Variants in CPED1 observed in about 807,000 individuals in gnomAD.
The protein encoded by CPED1 is cadherin-like and PC-esterase domain-containing protein 1.
A neutral mutation model predicts 128.2 loss-of-function variants in CPED1; 114 were observed. The observed-to-expected ratio is 0.89, with a 90% CI of 0.76 to 1.04. The LOEUF is 1.04. CPED1 is among the 50% of genes least tolerant of loss of function. CPED1 has a pLI of 0.00. For missense variants in CPED1, 1,211 were observed against 1,207.1 expected (o/e 1.00, Z -0.05); for synonymous variants, 462 against 426.7 (o/e 1.08, Z -1.02).
intron 16 of CPED1, among the ~76,000 whole-genome samples, chr7:121,177,385 T>C (rs1796805944): frequency 6.6e-6 from 1 of 152,064 alleles, no homozygotes; most frequent in Non-Finnish European, 1.5e-5. Context: ...CATGTTTCTC[T>C]ATCCGACTTT....
At chr7:121,170,354 T>C (rs190869188) in intron 16 of CPED1, among the ~76,000 whole-genome samples, 18 of 152,248 alleles carry the variant, frequency 1.2e-4, no homozygotes, top group Non-Finnish European at 2.1e-4. Context: ...TAGCTGAATT[T>C]TTCTGGCCCT....
chr7:121,125,749 T>G, intron 8 of CPED1, 71 bp from the exon 9 acceptor site: 1 of 1,158,850 alleles, frequency 8.6e-7, no homozygotes, highest in Non-Finnish European at 1.3e-6. Flanking sequence ...TTTGCTGTTA[T>G]AAATAGTGCA....
chr7:121,170,463 TAATA>T (rs1368088535), intron 16 of CPED1, among the ~76,000 whole-genome samples: 1 of 152,120 alleles, frequency 6.6e-6, no homozygotes, highest in Non-Finnish European at 1.5e-5. Flanking sequence ...CTTGTTAACT[TAATA>T]AATATAATTA....
At position 121,100,030 on chromosome 7, in the gene CPED1, G is replaced by T. The variant is rs201996698; in HGVS notation, c.854G>T (p.Arg285Leu). Residue 285 changes from arginine (R) to leucine (L), a missense_variant, in exon 7 of 23, where the codon CGT becomes CTT. Physicochemically the swap from Arg to Leu is moderately radical, Grantham distance 102. Coordinates refer to ENST00000310396, the MANE Select transcript of CPED1 (RefSeq NM_024913.5). The stretch of plus-strand genomic sequence containing the variant: ...TTGGTGACGTCCTTAACCCCTTTGC[G>T]TGCATTCATTCATTCGACGGGCACA... ...YVLVTSLTPL[R>L]AFIHSTGTVW... 2 of 1,613,182 alleles carry T rather than the reference G, an allele frequency of 1.2e-6. No individual in the cohort carries two copies. Among genetic ancestry groups the T allele is most frequent in the Non-Finnish European group, 1.7e-6 (2 of 1,179,702 alleles).
At chr7:121,132,534 G>A (rs1795697411) in intron 12 of CPED1, among the ~76,000 whole-genome samples, 1 of 152,046 alleles carries the variant, frequency 6.6e-6, no homozygotes, top group Non-Finnish European at 1.5e-5. Flanking sequence ...ATAGTTATAT[G>A]TTTGTCCTGA....
At chr7:121,173,881 A>T (rs907125409) in intron 16 of CPED1, among the ~76,000 whole-genome samples, 5 of 151,974 alleles carry the variant, frequency 3.3e-5, no homozygotes, top group Non-Finnish European at 7.4e-5. Context: ...TTGCCGCAAC[A>T]TCACCAGCAT....
chr7:121,206,860 C>T (rs879453669), intron 16 of CPED1, among the ~76,000 whole-genome samples: 1 of 151,944 alleles, frequency 6.6e-6, no homozygotes, highest in Non-Finnish European at 1.5e-5. Flanking sequence ...TCCCATCATA[C>T]TCAGTCACAC....
chr7:121,232,575 T>G (rs1401214082), intron 16 of CPED1, among the ~76,000 whole-genome samples: 2 of 151,876 alleles, frequency 1.3e-5, no homozygotes, highest in Non-Finnish European at 2.9e-5. Context: ...GGGCTAAGAG[T>G]GAATTTATCT....
chr7:121,013,630 G>A (rs1792218554), intron 2 of CPED1, among the ~76,000 whole-genome samples: 1 of 152,224 alleles, frequency 6.6e-6, no homozygotes. Flanking sequence ...CACCTTAAGA[G>A]GAAAGTATTG....
rs1563024831 is a variant in CPED1 at position 121,098,769 on chromosome 7, T to TATATAA, written c.749+943_749+944insAATATA. 8.0e-3 allele frequency among the ~76,000 whole-genome samples: 98 copies of TATATAA among 12,178 alleles called. 1 individual carries two copies. Among genetic ancestry groups the TATATAA allele is most frequent in the African/African-American group, 0.019 (93 of 4,774 alleles). The allele number at this position is 12,178 out of a possible 152,430, so 8.0% of individuals were successfully genotyped here. A position where few individuals can be genotyped will look rare whatever the true frequency, so the allele number is the denominator to read the frequency against. On this transcript the variant is annotated intron_variant, in intron 6 of 22. Transcript: ENST00000310396. Reference sequence around the variant, plus strand: ...AAAAATATATAAAAATATATATAAATATATATATATAAAAATATATAAAAA... The same window carrying TATATAA: ...AAAAATATATAAAAATATATATAAATATATAAATATATATATAAAAATATATAAAAA...
At chr7:121,161,726 T>A (rs1796416341) in intron 16 of CPED1, among the ~76,000 whole-genome samples, 1 of 152,128 alleles carries the variant, frequency 6.6e-6, no homozygotes, top group Non-Finnish European at 1.5e-5. Flanking sequence ...AAGCTTTGGA[T>A]CAAAATGAGA....
chr7:121,283,167 T>C (rs1792496088), intron 22 of CPED1, among the ~76,000 whole-genome samples: 1 of 152,222 alleles, frequency 6.6e-6, no homozygotes, highest in African/African-American at 2.4e-5. Flanking sequence ...TCTCACACAA[T>C]TAAAAGTATT....
chr7:121,282,542 T>C (rs1390125390), intron 22 of CPED1, among the ~76,000 whole-genome samples: 1 of 152,216 alleles, frequency 6.6e-6, no homozygotes, highest in East Asian at 1.9e-4. Context: ...TAATTCCTTT[T>C]TCTCCAGTTT....
chr7:121,092,009 A>C (rs1794582841), intron 5 of CPED1, among the ~76,000 whole-genome samples: 1 of 152,142 alleles, frequency 6.6e-6, no homozygotes, highest in Admixed American at 6.6e-5. Context: ...TAACTTTCTC[A>C]GTGTCCTTGT....
chr7:121,132,185 A>G (rs1215464104), intron 12 of CPED1, among the ~76,000 whole-genome samples: 1 of 152,092 alleles, frequency 6.6e-6, no homozygotes, highest in African/African-American at 2.4e-5. Context: ...TGCATGTTAT[A>G]TACATGTTCC....
rs1000208899 is a variant in CPED1, at chr7:121,274,499, G to T, written c.2868+3069G>T. The stretch of plus-strand genomic sequence containing the variant: ...AGGTCTCCGCCAAATTATCTTAATT[G>T]ATTTCAGAGTAGTGTTATCTATTTT... On this transcript the variant is annotated intron_variant, in intron 22 of 22. Coordinates refer to ENST00000310396, the MANE Select transcript of CPED1 (RefSeq NM_024913.5). Among the ~76,000 whole-genome samples, 10 of 151,990 alleles carry T rather than the reference G, an allele frequency of 6.6e-5. 1 individual carries two copies. Among genetic ancestry groups the T allele is most frequent in the Admixed American group, 2.6e-4 (4 of 15,252 alleles).
chr7:121,060,822 T>C (rs1793645165), intron 4 of CPED1, among the ~76,000 whole-genome samples: 1 of 152,126 alleles, frequency 6.6e-6, no homozygotes, highest in Non-Finnish European at 1.5e-5. Flanking sequence ...GCTTTGTTCT[T>C]TTGCGCTTTG....
At chr7:120,998,828 T>A (rs1585008637) in intron 2 of CPED1, among the ~76,000 whole-genome samples, 1 of 151,096 alleles carries the variant, frequency 6.6e-6, no homozygotes, top group African/African-American at 2.4e-5. Flanking sequence ...TTTTTTTTTT[T>A]AAAGTCTGAG....
chr7:121,284,488 G>T (rs1257486081), intron 22 of CPED1, among the ~76,000 whole-genome samples: 1 of 152,102 alleles, frequency 6.6e-6, no homozygotes, highest in Non-Finnish European at 1.5e-5. Context: ...TCTCATCTGA[G>T]ACAAGGCAAG....
Sources: allele counts gnomAD v4.1 joint callset (sites outside exome capture counted in the v4.1 genomes callset), GRCh38; gene constraint gnomAD v4.1.1; transcripts MANE v1.5; gene names NCBI Gene and HGNC (gene_info 2026-07-23, HGNC 2026-07-21).